Variants in LOC128706665 observed in about 807,000 individuals in gnomAD.
chr20:10,430,570 A>G, the LOC128706665 span, among the ~76,000 whole-genome samples: 3 of 152,238 alleles, frequency 2.0e-5, no homozygotes, highest in Non-Finnish European at 4.4e-5. Context: ...CCATAAAGGA[A>G]GGCCCACTTC....
the LOC128706665 span, among the ~76,000 whole-genome samples, chr20:10,428,546 A>C: frequency 1.3e-5 from 2 of 152,146 alleles, no homozygotes; most frequent in African/African-American, 4.8e-5. Flanking sequence ...CTCTCAACTA[A>C]ATCTTCTTTC....
chr20:10,427,031 C>CACACACACAG, the LOC128706665 span, among the ~76,000 whole-genome samples: 1,316 of 29,740 alleles, frequency 0.044, 27 homozygotes, highest in South Asian at 0.099. Context: ...AAAACACTGA[C>CACACACACAG]ACACACACAC....
At chr20:10,432,219 G>A in the LOC128706665 span, among the ~76,000 whole-genome samples, 1 of 152,216 alleles carries the variant, frequency 6.6e-6, no homozygotes, top group East Asian at 1.9e-4. Context: ...GAGTTCCTGT[G>A]GGACTGGTGG....
At chr20:10,416,958 T>C in the LOC128706665 span, among the ~76,000 whole-genome samples, 2 of 152,110 alleles carry the variant, frequency 1.3e-5, no homozygotes, top group East Asian at 3.8e-4. Flanking sequence ...GCCTAAAATA[T>C]TTACTATCTG....
At chr20:10,425,071 G>C in the LOC128706665 span, among the ~76,000 whole-genome samples, 1 of 149,636 alleles carries the variant, frequency 6.7e-6, no homozygotes, top group Non-Finnish European at 1.5e-5. Flanking sequence ...AAAAAAGAAA[G>C]AAAGAAAATT....
the LOC128706665 span, among the ~76,000 whole-genome samples, chr20:10,419,386 A>G: frequency 1.3e-5 from 2 of 152,184 alleles, no homozygotes; most frequent in African/African-American, 2.4e-5. Flanking sequence ...ATAATATAGT[A>G]TAACGCTATA....
the LOC128706665 span, among the ~76,000 whole-genome samples, chr20:10,430,409 C>T: frequency 7.9e-6 from 1 of 127,256 alleles, no homozygotes; most frequent in African/African-American, 2.6e-5. Flanking sequence ...GCAGTTATCA[C>T]AATACTTGGC....
chr20:10,431,337 T>G, the LOC128706665 span, among the ~76,000 whole-genome samples: 6 of 146,958 alleles, frequency 4.1e-5, no homozygotes, highest in African/African-American at 1.4e-4. Flanking sequence ...AATTTTCACT[T>G]CAAATATGTA....
chr20:10,423,160 G>GT, the LOC128706665 span, among the ~76,000 whole-genome samples: 1 of 152,152 alleles, frequency 6.6e-6, no homozygotes, highest in Non-Finnish European at 1.5e-5. Context: ...ATTAGGGCCA[G>GT]GTGCAGTGGC....
the LOC128706665 span, among the ~76,000 whole-genome samples, chr20:10,421,722 C>A: frequency 6.6e-6 from 1 of 151,300 alleles, no homozygotes; most frequent in East Asian, 1.9e-4. Context: ...CTAGTTTAGA[C>A]AAAGAAACTG....
chr20:10,416,617 G>T, the LOC128706665 span, among the ~76,000 whole-genome samples: 1 of 152,112 alleles, frequency 6.6e-6, no homozygotes, highest in Non-Finnish European at 1.5e-5. Context: ...GGAATTACAG[G>T]GATAAAACAT....
the LOC128706665 span, among the ~76,000 whole-genome samples, chr20:10,422,203 A>G: frequency 3.0e-3 from 451 of 152,302 alleles, 2 homozygotes; most frequent in Non-Finnish European, 5.2e-3. Flanking sequence ...GTCTCAATTC[A>G]TATTTTATAA....
the LOC128706665 span, among the ~76,000 whole-genome samples, chr20:10,424,970 T>C: frequency 2.6e-5 from 4 of 151,784 alleles, no homozygotes; most frequent in Non-Finnish European, 4.4e-5. Context: ...GAAGAATCAC[T>C]TGAACCTGGG....
At chr20:10,430,734 C>G in the LOC128706665 span, among the ~76,000 whole-genome samples, 1 of 152,080 alleles carries the variant, frequency 6.6e-6, no homozygotes. Flanking sequence ...AAAGTGAGAG[C>G]CAGGAAAGCT....
chr20:10,428,336 G>C, the LOC128706665 span, among the ~76,000 whole-genome samples: 2 of 152,172 alleles, frequency 1.3e-5, no homozygotes, highest in Non-Finnish European at 2.9e-5. Flanking sequence ...TAGATGAATG[G>C]GCCTTTAGTG....
At chr20:10,418,632 C>T in the LOC128706665 span, among the ~76,000 whole-genome samples, 1 of 152,118 alleles carries the variant, frequency 6.6e-6, no homozygotes, top group Non-Finnish European at 1.5e-5. Flanking sequence ...ACTACATTCA[C>T]CTAACATTTT....
At chr20:10,420,240 T>C in the LOC128706665 span, among the ~76,000 whole-genome samples, 1 of 152,214 alleles carries the variant, frequency 6.6e-6, no homozygotes, top group Non-Finnish European at 1.5e-5. Flanking sequence ...TGATATGTAA[T>C]GGTAAGGAGT....
the LOC128706665 span, among the ~76,000 whole-genome samples, chr20:10,433,943 C>T: frequency 2.6e-5 from 4 of 152,324 alleles, no homozygotes; most frequent in African/African-American, 7.2e-5. Flanking sequence ...CGGTCTTTCG[C>T]CTCCTACAGA....
chr20:10,432,437 G>A, the LOC128706665 span, among the ~76,000 whole-genome samples: 1 of 152,066 alleles, frequency 6.6e-6, no homozygotes, highest in Non-Finnish European at 1.5e-5. Flanking sequence ...CAGTATTTGG[G>A]GGATTGCATC....
Sources: gnomAD v4.1 joint callset for allele counts (sites outside exome capture counted in the v4.1 genomes callset) on GRCh38, gnomAD v4.1.1 for gene constraint, MANE v1.5 for transcripts.